The following RNF17 variants were observed in gnomAD, a reference collection of about 807,000 sequenced individuals.
The protein encoded by RNF17 is ring finger protein 17, also known as spermatogenesis associated 23.
A neutral mutation model predicts 200.5 loss-of-function variants in RNF17; 31 were observed. The ratio of observed to expected loss-of-function variants is 0.15; its 90% CI spans 0.12 to 0.21. The LOEUF (loss-of-function observed/expected upper bound fraction) is 0.21. Ranked by LOEUF, RNF17 falls within the 10% of genes least tolerant of loss-of-function variation. The pLI, the probability that RNF17 is intolerant of heterozygous loss-of-function variation, is 1.00. For missense variants in RNF17, 1,628 were observed against 1,905.1 expected, an observed-to-expected ratio of 0.85 and a Z score of 2.71; for synonymous variants, 606 against 637.8, an observed-to-expected ratio of 0.95 and a Z score of 0.75.
chr13:24,884,387 C>T, downstream of RNF17: 1 of 1,614,090 alleles, frequency 6.2e-7, no homozygotes, highest in Non-Finnish European at 8.5e-7. Flanking sequence ...GATGGTCTTC[C>T]CATCTGCACT....
chr13:24,835,664 C>T (rs1188031714), intron 18 of RNF17, among the ~76,000 whole-genome samples: 1 of 152,194 alleles, frequency 6.6e-6, no homozygotes, highest in Non-Finnish European at 1.5e-5. Context: ...ACAAAAAAAT[C>T]TGAACGACAG....
At chr13:24,888,339 T>C in the RNF17 span, among the ~76,000 whole-genome samples, 2 of 151,922 alleles carry the variant, frequency 1.3e-5, no homozygotes, top group African/African-American at 2.4e-5. Flanking sequence ...AGGATTACTA[T>C]GCGGAATATT....
intron 15 of RNF17, among the ~76,000 whole-genome samples, chr13:24,809,592 C>T (rs1593307510): frequency 6.6e-6 from 1 of 151,994 alleles, no homozygotes; most frequent in East Asian, 1.9e-4. Flanking sequence ...AAAAAACCAG[C>T]TCCTGGATTC....
chr13:24,830,411 C>T, intron 16 of RNF17, 73 bp from the exon 17 acceptor site: 1 of 842,472 alleles, frequency 1.2e-6, no homozygotes, highest in Non-Finnish European at 2.0e-6. Flanking sequence ...TCTAGTTGGC[C>T]ATAAACCAAT....
At chr13:24,869,669 C>T (rs141827672) in intron 31 of RNF17, among the ~76,000 whole-genome samples, 48 of 152,282 alleles carry the variant, frequency 3.2e-4, no homozygotes, top group African/African-American at 1.1e-3. Context: ...GGCTTCCTGG[C>T]GCATGAAATC....
chr13:24,818,772 A>C (rs1284773076), intron 15 of RNF17, among the ~76,000 whole-genome samples: 1 of 152,112 alleles, frequency 6.6e-6, no homozygotes, highest in Admixed American at 6.5e-5. Flanking sequence ...TGTGTATAGC[A>C]TAAGGTATAA....
Position 24,796,109 on chromosome 13 carries a change from TTAA to T in RNF17, c.1241-26_1241-24del, listed in dbSNP as rs1237205113. ...GAATTATTTTCTAACTCATGGTTTA[TTAA>T]TGTGACTTAAACATTTTTATCCAGG... On this transcript the variant is annotated intron_variant, in intron 10 of 35. Coordinates refer to ENST00000255324, the MANE Select transcript of RNF17 (RefSeq NM_031277.3). The T allele has an allele frequency of 2.6e-6, 4 of 1,536,114 alleles. No homozygotes were observed. In the South Asian group the frequency reaches 4.8e-5, roughly 18 times the overall value.
At chr13:24,770,060 G>T (rs1880435589) in intron 2 of RNF17, among the ~76,000 whole-genome samples, 1 of 152,114 alleles carries the variant, frequency 6.6e-6, no homozygotes, top group Non-Finnish European at 1.5e-5. Context: ...AATACATTGG[G>T]CCATGAAGAA....
chr13:24,824,129 C>A, intron 15 of RNF17: 1 of 701,372 alleles, frequency 1.4e-6, no homozygotes, highest in Non-Finnish European at 2.6e-6. Context: ...AACTTTCCTA[C>A]CATTTAGAAA....
chr13:24,754,007 A>G, the RNF17 span, among the ~76,000 whole-genome samples: 1 of 151,982 alleles, frequency 6.6e-6, no homozygotes, highest in African/African-American at 2.4e-5. Flanking sequence ...AAAATACAAA[A>G]GTTAGCCAGG....
intron 15 of RNF17, among the ~76,000 whole-genome samples, chr13:24,817,636 T>C (rs900639901): frequency 1.3e-5 from 2 of 151,960 alleles, no homozygotes; most frequent in African/African-American, 4.8e-5. Context: ...GGAGAATTGC[T>C]TGAACCCAGG....
the RNF17 span, chr13:24,752,166 A>T: frequency 6.6e-6 from 1 of 152,618 alleles, no homozygotes; most frequent in Non-Finnish European, 1.5e-5. Flanking sequence ...TGCTGTAGAC[A>T]TCCACGTTCC....
At chr13:24,785,253 C>T (rs1882954268) in intron 6 of RNF17, among the ~76,000 whole-genome samples, 1 of 152,102 alleles carries the variant, frequency 6.6e-6, no homozygotes, top group Non-Finnish European at 1.5e-5. Flanking sequence ...TCATTGCATC[C>T]CATAAATTTT....
intron 5 of RNF17, among the ~76,000 whole-genome samples, chr13:24,780,607 C>T (rs1396246323): frequency 6.6e-6 from 1 of 152,196 alleles, no homozygotes; most frequent in Non-Finnish European, 1.5e-5. Flanking sequence ...TCTGGGCAGG[C>T]TCACTTGGTC....
chr13:24,806,428 G>A (rs1674033405), intron 15 of RNF17, among the ~76,000 whole-genome samples: 1 of 152,072 alleles, frequency 6.6e-6, no homozygotes, highest in African/African-American at 2.4e-5. Context: ...GATCCTTGAG[G>A]AATTGCCACA....
chr13:24,872,587 A>G (rs1027626197), intron 32 of RNF17, among the ~76,000 whole-genome samples: 6 of 152,204 alleles, frequency 3.9e-5, no homozygotes, highest in Middle Eastern at 3.2e-3. Flanking sequence ...TAGGAATACA[A>G]ACATCAGTTC....
chr13:24,859,468 T>A (rs899132130), intron 26 of RNF17, among the ~76,000 whole-genome samples: 1 of 152,186 alleles, frequency 6.6e-6, no homozygotes, highest in Non-Finnish European at 1.5e-5. Context: ...TTTTCCAGTA[T>A]GTTAAATATC....
chr13:24,749,307 C>CTTTCTTT, the RNF17 span, among the ~76,000 whole-genome samples: 47 of 108,014 alleles, frequency 4.4e-4, no homozygotes, highest in East Asian at 3.0e-3. Flanking sequence ...TTCTTTCTTT[C>CTTTCTTT]TTTTTTTTTT....
At chr13:24,748,588 T>C in the RNF17 span, among the ~76,000 whole-genome samples, 1 of 152,192 alleles carries the variant, frequency 6.6e-6, no homozygotes, top group Admixed American at 6.5e-5. Context: ...ACGAGTAAAA[T>C]GGTAAGGTGA....
Sources: gnomAD v4.1 joint callset for allele counts (sites outside exome capture counted in the v4.1 genomes callset) on GRCh38, gnomAD v4.1.1 for gene constraint, MANE v1.5 for transcripts, NCBI Gene and HGNC (gene_info 2026-07-23, HGNC 2026-07-21) for gene names.